ERC2: variants seen among roughly 807,000 people sequenced by gnomAD.
The protein encoded by ERC2 is ERC protein 2.
A neutral mutation model predicts 114.8 loss-of-function variants in ERC2; 42 were observed. The observed-to-expected ratio is 0.37, with a 90% CI of 0.29 to 0.47. The LOEUF is 0.47. Among genes scored for constraint, ERC2 ranks in the 20% least tolerant of loss-of-function variants. ERC2 has a pLI of 0.99. For missense variants in ERC2, 939 were observed against 1,150.7 expected (o/e 0.82, Z 2.66); for synonymous variants, 454 against 425.5 (o/e 1.07, Z -0.82).
chr3:55,684,859 A>G (rs2062243660), intron 16 of ERC2, among the ~76,000 whole-genome samples: 1 of 152,214 alleles, frequency 6.6e-6, no homozygotes, highest in African/African-American at 2.4e-5. Context: ...ATAGGTCTCC[A>G]GTGAAGTCAG....
chr3:56,086,117 T>C (rs1444056128), intron 6 of ERC2, among the ~76,000 whole-genome samples: 2 of 152,178 alleles, frequency 1.3e-5, no homozygotes, highest in Non-Finnish European at 2.9e-5. Flanking sequence ...TTAACTTTTA[T>C]GTCTCTACCT....
chr3:56,053,489 G>C (rs1017175777), intron 7 of ERC2, among the ~76,000 whole-genome samples: 14 of 152,154 alleles, frequency 9.2e-5, no homozygotes, highest in African/African-American at 3.4e-4. Flanking sequence ...CAAGAACTTA[G>C]CTCAACAACT....
chr3:56,008,418 G>A (rs1257016154), intron 9 of ERC2, among the ~76,000 whole-genome samples: 2 of 152,084 alleles, frequency 1.3e-5, no homozygotes, highest in Non-Finnish European at 2.9e-5. Flanking sequence ...GCAGATACAG[G>A]TCTCAAACCC....
intron 2 of ERC2, among the ~76,000 whole-genome samples, chr3:56,360,450 G>T (rs1199932633): frequency 4.6e-5 from 7 of 152,130 alleles, no homozygotes. Context: ...CTAATGGGAA[G>T]GAAAGACAAA....
chr3:56,311,631 A>G (rs1052491436), intron 2 of ERC2, among the ~76,000 whole-genome samples: 11 of 151,952 alleles, frequency 7.2e-5, no homozygotes, highest in African/African-American at 2.2e-4. Flanking sequence ...AAACATTCAA[A>G]TTATTATTCT....
intron 15 of ERC2, among the ~76,000 whole-genome samples, chr3:55,710,026 G>A (rs1247339586): frequency 6.6e-6 from 1 of 152,150 alleles, no homozygotes; most frequent in Non-Finnish European, 1.5e-5. Context: ...GCAGGCGATT[G>A]TTCCAAATAC....
chr3:56,204,718 G>C (rs1336075978), intron 3 of ERC2, among the ~76,000 whole-genome samples: 1 of 151,774 alleles, frequency 6.6e-6, no homozygotes, highest in African/African-American at 2.4e-5. Flanking sequence ...GGCCAGGATG[G>C]TCTTGATCTC....
chr3:56,318,637 T>C (rs1165396413), intron 2 of ERC2, among the ~76,000 whole-genome samples: 1 of 152,022 alleles, frequency 6.6e-6, no homozygotes, highest in Non-Finnish European at 1.5e-5. Context: ...ATAGACTTTT[T>C]TTGAAGAAAT....
At chr3:56,002,704 TTC>T (rs1413104332) in intron 10 of ERC2, among the ~76,000 whole-genome samples, 1 of 152,158 alleles carries the variant, frequency 6.6e-6, no homozygotes, top group East Asian at 1.9e-4. Flanking sequence ...CTGTTTTAAC[TTC>T]TGTCACTTGA....
intron 3 of ERC2, among the ~76,000 whole-genome samples, chr3:56,197,922 G>C (rs2048198586): frequency 6.6e-6 from 1 of 152,206 alleles, no homozygotes; most frequent in African/African-American, 2.4e-5. Flanking sequence ...TTAGGAGTCA[G>C]AAATATGCAT....
intron 14 of ERC2, among the ~76,000 whole-genome samples, chr3:55,739,701 T>A (rs902490029): frequency 6.6e-6 from 1 of 152,208 alleles, no homozygotes; most frequent in Non-Finnish European, 1.5e-5. Context: ...TCCCATTCTG[T>A]AGGTTGCCTG....
intron 15 of ERC2, among the ~76,000 whole-genome samples, chr3:55,706,408 G>T (rs1011931399): frequency 6.6e-6 from 1 of 151,416 alleles, no homozygotes; most frequent in African/African-American, 2.4e-5. Flanking sequence ...GTTGTTGTTT[G>T]TTTTTTTGAG....
chr3:56,279,193 T>C lies in ERC2; in HGVS notation c.1074+16826A>G, dbSNP rs144877667. On this transcript the variant is annotated intron_variant, in intron 3 of 17. Coordinates refer to ENST00000288221, the MANE Select transcript of ERC2 (RefSeq NM_015576.3). The stretch of plus-strand genomic sequence containing the variant: ...ACACTAATGCAGCTTCACTCCAAAA[T>C]CATTCCCTAACAGTTTTGGGTTTTT... Among the ~76,000 whole-genome samples, 362 of 152,310 alleles carry C rather than the reference T, an allele frequency of 2.4e-3. 3 individuals carry two copies. The highest frequency in any genetic ancestry group is 0.021 in the South Asian group (103 of 4,826).
intron 1 of ERC2, among the ~76,000 whole-genome samples, chr3:56,438,884 G>A (rs186148907): frequency 6.6e-6 from 1 of 152,150 alleles, no homozygotes; most frequent in African/African-American, 2.4e-5. Context: ...AAGTTAGTTT[G>A]TTCCCTTTGG....
chr3:56,364,810 G>C (rs935383557), intron 2 of ERC2, among the ~76,000 whole-genome samples: 12 of 152,204 alleles, frequency 7.9e-5, no homozygotes, highest in Middle Eastern at 3.2e-3. Flanking sequence ...TGGAATGCCA[G>C]AAGGGACCCT....
At chr3:55,844,722 T>C (rs1049440961) in intron 14 of ERC2, among the ~76,000 whole-genome samples, 1 of 152,160 alleles carries the variant, frequency 6.6e-6, no homozygotes, top group Non-Finnish European at 1.5e-5. Context: ...GATACATGAA[T>C]TCAAAATGTC....
intron 13 of ERC2, among the ~76,000 whole-genome samples, chr3:55,921,022 TG>T (rs2065396716): frequency 6.6e-6 from 1 of 152,108 alleles, no homozygotes; most frequent in African/African-American, 2.4e-5. Flanking sequence ...CTGGTGGGAA[TG>T]CAGAAACCTC....
intron 7 of ERC2, among the ~76,000 whole-genome samples, chr3:56,066,250 G>A (rs771181462): frequency 2.0e-5 from 3 of 152,208 alleles, no homozygotes; most frequent in Admixed American, 6.5e-5. Flanking sequence ...TAACCGGCAT[G>A]AGATGGTAGT....
At chr3:55,867,384 G>A (rs995084939) in intron 14 of ERC2, among the ~76,000 whole-genome samples, 3 of 152,088 alleles carry the variant, frequency 2.0e-5, no homozygotes, top group Non-Finnish European at 4.4e-5. Flanking sequence ...AACTCAAATA[G>A]TTAAGCCCTT....
Sources: allele counts gnomAD v4.1 joint callset (sites outside exome capture counted in the v4.1 genomes callset), GRCh38; gene constraint gnomAD v4.1.1; transcripts MANE v1.5; gene names NCBI Gene and HGNC (gene_info 2026-07-23, HGNC 2026-07-21).